MSRA: variants seen among roughly 807,000 people sequenced by gnomAD.
The protein encoded by MSRA is mitochondrial peptide methionine sulfoxide reductase.
A neutral mutation model predicts 31.3 loss-of-function variants in MSRA; 54 were observed. The observed-to-expected ratio is 1.73, with a 90% CI of 1.39 to 2.17. The LOEUF is 2.17. MSRA is among the 30% of genes most tolerant of loss of function. MSRA has a pLI of 0.00. For synonymous variants in MSRA, 169 were observed against 116.5 expected, an observed-to-expected ratio of 1.45 and a Z score of -2.90; for missense variants, 507 against 300.9, an observed-to-expected ratio of 1.69 and a Z score of -5.07.
At chr8:10,309,652 G>T (rs1001824826) in intron 4 of MSRA, among the ~76,000 whole-genome samples, 6 of 152,176 alleles carry the variant, frequency 3.9e-5, no homozygotes, top group Non-Finnish European at 7.3e-5. Context: ...ATGCTGTTGG[G>T]TTTCCTGGGG....
chr8:10,353,467 T>G (rs1804315696), intron 5 of MSRA: 2 of 361,278 alleles, frequency 5.5e-6, no homozygotes. Context: ...CATCCGTGAG[T>G]CCTGTATTTG....
intron 4 of MSRA, among the ~76,000 whole-genome samples, chr8:10,306,774 C>T (rs963799835): frequency 2.0e-5 from 3 of 152,124 alleles, no homozygotes; most frequent in African/African-American, 7.2e-5. Flanking sequence ...GACTGAGTGC[C>T]TCGAGCCAAG....
chr8:10,426,292 C>A (rs924042133), intron 5 of MSRA, among the ~76,000 whole-genome samples: 3 of 152,204 alleles, frequency 2.0e-5, no homozygotes, highest in African/African-American at 4.8e-5. Context: ...TTCCGTCAAG[C>A]TGGATGGATT....
intron 5 of MSRA, among the ~76,000 whole-genome samples, chr8:10,378,476 G>T (rs1363052071): frequency 6.6e-6 from 1 of 152,216 alleles, no homozygotes; most frequent in Non-Finnish European, 1.5e-5. Flanking sequence ...TCCTATCAGG[G>T]TGGCATCTCC....
chr8:10,164,763 G>A lies in MSRA; in HGVS notation c.143-43070G>A, dbSNP rs1004682233. Among the ~76,000 whole-genome samples, 5 of 152,158 alleles carry A rather than the reference G, an allele frequency of 3.3e-5. No individual in the cohort carries two copies. In the South Asian group the frequency reaches 1.0e-3, roughly 32 times the overall value. On this transcript the variant is annotated intron_variant, in intron 1 of 5. Transcript: ENST00000317173. ...CACTTAAAAATCACCTGAGCCAGTG[G>A]CTCAAGCCTGTAATCCCAGCACTTT...
At chr8:10,344,193 T>G (rs1254394972) in intron 5 of MSRA, among the ~76,000 whole-genome samples, 1 of 152,112 alleles carries the variant, frequency 6.6e-6, no homozygotes, top group African/African-American at 2.4e-5. Context: ...CTAACAGCAG[T>G]GTGATCGAGG....
chr8:10,056,080 G>C (rs1159822224), intron 1 of MSRA, among the ~76,000 whole-genome samples: 3 of 151,198 alleles, frequency 2.0e-5, no homozygotes, highest in Admixed American at 6.6e-5. Context: ...TTCTTTTACA[G>C]GCAGGAATTT....
chr8:10,240,350 A>G (rs1318107215), intron 2 of MSRA, among the ~76,000 whole-genome samples: 2 of 152,100 alleles, frequency 1.3e-5, no homozygotes, highest in Non-Finnish European at 2.9e-5. Flanking sequence ...CTGTTGGGCC[A>G]TGTGTAACCT....
chr8:10,101,252 G>A (rs921684202), intron 1 of MSRA, among the ~76,000 whole-genome samples: 6 of 152,134 alleles, frequency 3.9e-5, no homozygotes, highest in South Asian at 4.1e-4. Context: ...ACGATTTTGG[G>A]AGGAGAAATA....
At position 10,245,270 on chromosome 8, in the gene MSRA, G is replaced by A. The variant is rs1290460112; in HGVS notation, c.331+47G>A. 8 of 1,573,964 alleles carry A rather than the reference G, an allele frequency of 5.1e-6. No homozygotes were observed. In the Middle Eastern group the frequency reaches 5.1e-4, roughly 99 times the overall value. ...GTATTACTAGGAGAAACAAGGGAGG[G>A]CTTGTCACTACTGTTGGGTGACAGG... On this transcript the variant is annotated intron_variant, in intron 3 of 5. Transcript: ENST00000317173.
intron 5 of MSRA, among the ~76,000 whole-genome samples, chr8:10,426,631 C>T (rs1227934329): frequency 6.6e-6 from 1 of 152,246 alleles, no homozygotes; most frequent in Non-Finnish European, 1.5e-5. Flanking sequence ...CTGGGGAATG[C>T]AGTCTGCGAG....
At chr8:10,140,715 C>G (rs943496176) in intron 1 of MSRA, among the ~76,000 whole-genome samples, 1 of 152,080 alleles carries the variant, frequency 6.6e-6, no homozygotes, top group Admixed American at 6.5e-5. Context: ...AAAAATGAGT[C>G]AAGATCAACT....
chr8:10,133,978 C>T (rs558949739), intron 1 of MSRA, among the ~76,000 whole-genome samples: 17 of 152,154 alleles, frequency 1.1e-4, no homozygotes, highest in Admixed American at 3.9e-4. Flanking sequence ...TTACAGGCAC[C>T]TGCCACCATG....
intron 5 of MSRA, among the ~76,000 whole-genome samples, chr8:10,415,324 T>C (rs1432055361): frequency 6.6e-6 from 1 of 152,026 alleles, no homozygotes; most frequent in Non-Finnish European, 1.5e-5. Context: ...AAGGAAGTAA[T>C]GGGAAAACAA....
intron 2 of MSRA, among the ~76,000 whole-genome samples, chr8:10,236,599 C>T (rs538260054): frequency 1.3e-5 from 2 of 152,314 alleles, no homozygotes; most frequent in South Asian, 4.1e-4. Flanking sequence ...AGCTAGAGTG[C>T]AGTGGTGGAA....
At chr8:10,232,182 A>G (rs1407732662) in intron 2 of MSRA, among the ~76,000 whole-genome samples, 4 of 152,138 alleles carry the variant, frequency 2.6e-5, no homozygotes, top group African/African-American at 9.7e-5. Context: ...AAAGAGCTGG[A>G]AGAGAGGGAG....
chr8:10,145,403 T>C (rs992870195), intron 1 of MSRA, among the ~76,000 whole-genome samples: 7 of 152,204 alleles, frequency 4.6e-5, no homozygotes, highest in Non-Finnish European at 8.8e-5. Context: ...GTTTAATCCA[T>C]GTTAAGGCAG....
intron 5 of MSRA, among the ~76,000 whole-genome samples, chr8:10,393,810 G>A (rs1806917380): frequency 1.3e-5 from 2 of 152,196 alleles, no homozygotes; most frequent in African/African-American, 4.8e-5. Flanking sequence ...AGACAGTTTT[G>A]TGACTATCCC....
chr8:10,176,071 G>A lies in MSRA; in HGVS notation c.143-31762G>A, dbSNP rs184871983. 5.6e-4 allele frequency among the ~76,000 whole-genome samples: 85 copies of A among 152,324 alleles called. 1 individual carries two copies. The East Asian group carries it at 0.014, about 25-fold the overall frequency. On this transcript the variant is annotated intron_variant, in intron 1 of 5. Transcript: ENST00000317173. ...GTAATTACTTACTCTGTTGCTGATA[G>A]CCCAGATGAGAATAGGACCTATTAG...
Sources: allele counts gnomAD v4.1 joint callset (sites outside exome capture counted in the v4.1 genomes callset), GRCh38; gene constraint gnomAD v4.1.1; transcripts MANE v1.5; gene names NCBI Gene and HGNC (gene_info 2026-07-23, HGNC 2026-07-21).